GLIS3: variants seen among roughly 807,000 people sequenced by gnomAD.
GLIS3 encodes the protein zinc finger protein GLIS3.
Under a neutral mutation model 78.6 loss-of-function variants are expected in GLIS3, and 53 were observed. The observed-to-expected ratio is 0.67, with a 90% confidence interval of 0.54 to 0.85. GLIS3 has a LOEUF of 0.85. Among genes scored for constraint, GLIS3 ranks in the 40% least tolerant of loss-of-function variants. The probability of loss-of-function intolerance (pLI) is 0.00; values close to 1 mark genes in which losing one functional copy is unlikely to be tolerated. For missense variants in GLIS3, 1,703 were observed against 1,231.1 expected (o/e 1.38, Z -5.74); for synonymous variants, 684 against 509.9 (o/e 1.34, Z -4.60).
intron 10 of GLIS3, 122 bp from the exon 11 acceptor site, chr9:3,828,530 G>C (rs1817855581): frequency 8.0e-7 from 1 of 1,252,184 alleles, no homozygotes; most frequent in Middle Eastern, 2.6e-4. Flanking sequence ...AACCATGCCA[G>C]CCTGGGCCCT....
chr9:4,264,313 CCAT>C (rs1825793624), intron 2 of GLIS3, among the ~76,000 whole-genome samples: 1 of 152,204 alleles, frequency 6.6e-6, no homozygotes. Flanking sequence ...ACCACCACCA[CCAT>C]GATGCTAGTC....
At chr9:3,830,433 T>C (rs1445617520) in intron 9 of GLIS3, among the ~76,000 whole-genome samples, 1 of 152,258 alleles carries the variant, frequency 6.6e-6, no homozygotes, top group Non-Finnish European at 1.5e-5. Context: ...TGCTGTTAAC[T>C]CTCTACATTT....
intron 2 of GLIS3, among the ~76,000 whole-genome samples, chr9:4,331,076 G>C (rs1303310821): frequency 6.6e-6 from 1 of 152,152 alleles, no homozygotes. Flanking sequence ...TAACAAATTA[G>C]CATAAACTGC....
intron 4 of GLIS3, among the ~76,000 whole-genome samples, chr9:4,010,294 T>C (rs768191418): frequency 1.3e-5 from 2 of 152,218 alleles, no homozygotes; most frequent in Non-Finnish European, 2.9e-5. Flanking sequence ...CGACCTGATG[T>C]GCTTCAGCGT....
the GLIS3 span, among the ~76,000 whole-genome samples, chr9:4,384,476 C>G: frequency 6.6e-6 from 1 of 151,752 alleles, no homozygotes; most frequent in East Asian, 1.9e-4. Flanking sequence ...GAAATTGTTT[C>G]TTTTTCTCTT....
intron 2 of GLIS3, among the ~76,000 whole-genome samples, chr9:4,265,955 A>G (rs11794347): frequency 0.14 from 21,003 of 149,586 alleles, 1,581 homozygotes; most frequent in Non-Finnish European, 0.16. Flanking sequence ...GTCTCACTCT[A>G]TCGCCCAGGC....
At chr9:4,067,999 T>G (rs1222219547) in intron 4 of GLIS3, among the ~76,000 whole-genome samples, 1 of 151,970 alleles carries the variant, frequency 6.6e-6, no homozygotes, top group Non-Finnish European at 1.5e-5. Context: ...ATATATAAAG[T>G]CAGAGAGCAT....
At chr9:3,974,196 CA>C (rs1409932859) in intron 4 of GLIS3, among the ~76,000 whole-genome samples, 9 of 152,002 alleles carry the variant, frequency 5.9e-5, no homozygotes, top group Admixed American at 2.0e-4. Flanking sequence ...TTATGAATTA[CA>C]TACAGTGGCA....
At chr9:4,465,364 G>C in the GLIS3 span, among the ~76,000 whole-genome samples, 2 of 152,142 alleles carry the variant, frequency 1.3e-5, no homozygotes, top group Non-Finnish European at 2.9e-5. Flanking sequence ...CCTGGCCAAC[G>C]TGGTGAAACC....
intron 4 of GLIS3, among the ~76,000 whole-genome samples, chr9:4,044,742 C>G (rs951026875): frequency 3.9e-5 from 6 of 152,190 alleles, no homozygotes; most frequent in Admixed American, 2.0e-4. Flanking sequence ...GAGACACTAG[C>G]ATGCTTTCTC....
At chr9:4,413,902 G>A in the GLIS3 span, among the ~76,000 whole-genome samples, 2 of 152,026 alleles carry the variant, frequency 1.3e-5, no homozygotes, top group Non-Finnish European at 2.9e-5. Flanking sequence ...ATCCAAATAT[G>A]GCTTAACTTC....
At chr9:4,101,172 T>A (rs776372244) in intron 4 of GLIS3, among the ~76,000 whole-genome samples, 1 of 152,204 alleles carries the variant, frequency 6.6e-6, no homozygotes, top group African/African-American at 2.4e-5. Flanking sequence ...TTGAGCTGTT[T>A]CCTCGCCTTA....
intron 5 of GLIS3, among the ~76,000 whole-genome samples, chr9:3,933,621 G>A (rs1346903522): frequency 1.3e-5 from 2 of 152,184 alleles, no homozygotes; most frequent in East Asian, 3.8e-4. Context: ...AGCTGTGCTT[G>A]TATGATGTGA....
chr9:4,215,800 C>G (rs1820772746), intron 2 of GLIS3, among the ~76,000 whole-genome samples: 1 of 152,176 alleles, frequency 6.6e-6, no homozygotes, highest in Non-Finnish European at 1.5e-5. Flanking sequence ...TGTTTGTCTT[C>G]TTCAACAGTA....
At chr9:4,245,689 T>C (rs913505893) in intron 2 of GLIS3, among the ~76,000 whole-genome samples, 2 of 152,226 alleles carry the variant, frequency 1.3e-5, no homozygotes, top group African/African-American at 4.8e-5. Context: ...TTTGAGGTGA[T>C]GGATACGCTA....
At chr9:3,860,922 A>G (rs1470741507) in intron 8 of GLIS3, among the ~76,000 whole-genome samples, 1 of 152,224 alleles carries the variant, frequency 6.6e-6, no homozygotes, top group African/African-American at 2.4e-5. Context: ...GGAGACAGGC[A>G]GTGAAGAAAT....
chr9:4,297,442 CG>C (rs1816640258), intron 1 of GLIS3, among the ~76,000 whole-genome samples: 1 of 152,198 alleles, frequency 6.6e-6, no homozygotes, highest in Non-Finnish European at 1.5e-5. Context: ...TCGAGATTCC[CG>C]GCCCCATACT....
At chr9:4,407,309 C>G in the GLIS3 span, among the ~76,000 whole-genome samples, 1 of 152,234 alleles carries the variant, frequency 6.6e-6, no homozygotes, top group Non-Finnish European at 1.5e-5. Context: ...AAATTAAAGA[C>G]TTAAATCTAA....
chr9:4,210,699 A>C (rs1258955782), intron 2 of GLIS3, among the ~76,000 whole-genome samples: 2 of 152,246 alleles, frequency 1.3e-5, no homozygotes, highest in African/African-American at 4.8e-5. Context: ...TACAATGCTT[A>C]TCCTGCTCGT....
Sources: allele counts gnomAD v4.1 joint callset (sites outside exome capture counted in the v4.1 genomes callset), GRCh38; gene constraint gnomAD v4.1.1; transcripts MANE v1.5; gene names NCBI Gene and HGNC (gene_info 2026-07-23, HGNC 2026-07-21).